Variants in HEATR3 observed in about 807,000 individuals in gnomAD.
HEATR3 encodes the protein HEAT repeat-containing protein 3.
Under a neutral mutation model 72.8 loss-of-function variants are expected in HEATR3, and 56 were observed. The observed-to-expected ratio is 0.77, with a 90% CI of 0.62 to 0.96. The LOEUF is 0.96. Ranked by LOEUF, HEATR3 falls within the 40% of genes least tolerant of loss-of-function variation. The probability of loss-of-function intolerance (pLI) is 0.00; values close to 1 mark genes in which losing one functional copy is unlikely to be tolerated. For synonymous variants in HEATR3, 331 were observed against 318.1 expected (o/e 1.04, Z -0.43); for missense variants, 747 against 831.4 (o/e 0.90, Z 1.25).
chr16:50,078,033 C>T (rs942914855), intron 6 of HEATR3, among the ~76,000 whole-genome samples: 4 of 151,934 alleles, frequency 2.6e-5, no homozygotes, highest in African/African-American at 4.8e-5. Flanking sequence ...CCCACCACCA[C>T]GCCTGGCTGA....
intron 6 of HEATR3, among the ~76,000 whole-genome samples, chr16:50,077,134 A>G (rs549564792): frequency 1.1e-3 from 173 of 152,056 alleles, no homozygotes; most frequent in African/African-American, 3.9e-3. Flanking sequence ...TTGGCCTCCC[A>G]AAGTGCTGGG....
At chr16:50,077,082 G>T (rs1241321769) in intron 6 of HEATR3, among the ~76,000 whole-genome samples, 1 of 151,880 alleles carries the variant, frequency 6.6e-6, no homozygotes, top group Non-Finnish European at 1.5e-5. Context: ...CACTGTGTTA[G>T]CCAGGATGGT....
intron 11 of HEATR3, among the ~76,000 whole-genome samples, chr16:50,091,375 G>A (rs2037106187): frequency 6.6e-6 from 1 of 151,904 alleles, no homozygotes; most frequent in Non-Finnish European, 1.5e-5. Context: ...GCTGAGGCAG[G>A]AGAATCACTT....
intron 7 of HEATR3, among the ~76,000 whole-genome samples, chr16:50,081,047 C>T (rs781290029): frequency 3.9e-5 from 6 of 152,186 alleles, no homozygotes; most frequent in Non-Finnish European, 7.3e-5. Context: ...TGTTGAAAAA[C>T]GATTGATATT....
intron 5 of HEATR3, 52 bp downstream of exon 5, chr16:50,072,766 A>C: frequency 9.0e-7 from 1 of 1,113,704 alleles, no homozygotes; most frequent in Non-Finnish European, 1.4e-6. Context: ...CTTATTCAAA[A>C]ATTTTTATGC....
chr16:50,066,469 G>A lies in HEATR3; in HGVS notation c.241G>A (p.Val81Met), dbSNP rs1448263232. The change falls in exon 2 of 15, where the codon GTG becomes ATG. Residue 81 changes from valine to methionine, a missense_variant. Around this residue, in one of 2 missense-constraint regions of HEATR3, gnomAD observed 161 missense variants for 122.6 expected, o/e 1.31. Coordinates refer to ENST00000299192, the MANE Select transcript of HEATR3 (RefSeq NM_182922.4). ...CCCGGGCCTGGCGCGACGAGACGCCGTGCGCCGCCTCGGGCCGCTGCTGCT... is the reference window on the plus strand; with the variant it reads ...CCCGGGCCTGGCGCGACGAGACGCCATGCGCCGCCTCGGGCCGCTGCTGCT... ...ALPGLARRDA[V>M]RRLGPLLLDP... 2 of 1,355,584 alleles carry A rather than the reference G, an allele frequency of 1.5e-6. No individual in the cohort carries two copies. Among genetic ancestry groups the A allele is most frequent in the Non-Finnish European group, 1.9e-6 (2 of 1,061,458 alleles). 84.0% of individuals were successfully genotyped at this position (1,355,584 alleles called of 1,614,324 possible).
chr16:50,105,115 C>G lies in HEATR3; in HGVS notation c.*54C>G. The G allele has an allele frequency of 1.3e-6, 2 of 1,543,128 alleles. No homozygotes were observed. The highest frequency in any genetic ancestry group is 1.8e-6 in the Non-Finnish European group (2 of 1,130,214). On this transcript the variant is annotated 3_prime_UTR_variant, in exon 15 of 15. Coordinates refer to ENST00000299192, the MANE Select transcript of HEATR3 (RefSeq NM_182922.4). ...CCCAAAGTATTCAATGCTTAGAATACTAAAAGGTTTTCTTTGAATGTATAT... is the reference window on the plus strand; with the variant it reads ...CCCAAAGTATTCAATGCTTAGAATAGTAAAAGGTTTTCTTTGAATGTATAT...
chr16:50,081,470 G>C (rs1384134844), intron 7 of HEATR3, among the ~76,000 whole-genome samples: 1 of 151,946 alleles, frequency 6.6e-6, no homozygotes, highest in Non-Finnish European at 1.5e-5. Flanking sequence ...AATACAAATA[G>C]AAATAAAGTC....
At chr16:50,068,723 G>T in intron 2 of HEATR3, 57 bp from the exon 3 acceptor site, 4 of 1,272,186 alleles carry the variant, frequency 3.1e-6, no homozygotes, top group South Asian at 1.2e-5. Context: ...TGAGAGGGTA[G>T]AAGTGTTCTG....
Position 50,078,824 on chromosome 16 carries a change from GT to G in HEATR3, c.851del (p.Leu284TrpfsTer12). On this transcript the variant is annotated frameshift_variant, in exon 7 of 15. Transcript: ENST00000299192. LOFTEE classifies it high-confidence loss of function. ...INALLKILSE[V>X]LGMDAGEMVI... Reference sequence around the variant, plus strand: ...TGCCTTACTAAAGATCTTATCTGAAGTTTTGGGAATGGATGCTGGTGAAATG... The same window carrying G: ...TGCCTTACTAAAGATCTTATCTGAAGTTTGGGAATGGATGCTGGTGAAATG... 1 of 1,614,102 alleles carries G rather than the reference GT, an allele frequency of 6.2e-7. No homozygotes were observed. Among genetic ancestry groups the G allele is most frequent in the Non-Finnish European group, 8.5e-7 (1 of 1,180,020 alleles).
intron 11 of HEATR3, among the ~76,000 whole-genome samples, chr16:50,093,880 G>A (rs1387740909): frequency 2.0e-5 from 3 of 152,158 alleles, no homozygotes; most frequent in Non-Finnish European, 4.4e-5. Context: ...GACCTAGCCC[G>A]TCACTTTGTA....
At chr16:50,091,325 G>A (rs2037104866) in intron 11 of HEATR3, among the ~76,000 whole-genome samples, 1 of 150,568 alleles carries the variant, frequency 6.6e-6, no homozygotes, top group South Asian at 2.1e-4. Context: ...AAATTAGCCG[G>A]GCGTAATGGT....
At chr16:50,098,535 A>G (rs1432983765) in intron 12 of HEATR3, among the ~76,000 whole-genome samples, 3 of 152,076 alleles carry the variant, frequency 2.0e-5, no homozygotes, top group African/African-American at 7.2e-5. Context: ...GGGTGCCTGT[A>G]GTTCTGGCTA....
intron 7 of HEATR3, among the ~76,000 whole-genome samples, chr16:50,079,483 T>G (rs1258982702): frequency 1.3e-5 from 2 of 152,192 alleles, no homozygotes; most frequent in African/African-American, 4.8e-5. Flanking sequence ...AGAGGTTGGG[T>G]GACTGTGAGA....
In HEATR3 at chr16:50,102,455, A is replaced by G. The variant is rs757952843; in HGVS notation, c.1920+20A>G. 1 of 1,608,592 alleles carries G rather than the reference A, an allele frequency of 6.2e-7. No homozygotes were observed. The highest frequency in any genetic ancestry group is 1.1e-5 in the South Asian group (1 of 90,724). Reference sequence around the variant, plus strand: ...ATGAAGGTTTGTAGCCATTTAACTTATAAATACATAAGTCTGAACATTCTG... The same window carrying G: ...ATGAAGGTTTGTAGCCATTTAACTTGTAAATACATAAGTCTGAACATTCTG... On this transcript the variant is annotated intron_variant, in intron 14 of 14. Transcript: ENST00000299192.
Position 50,066,419 on chromosome 16 carries a change from G to A in HEATR3, c.191G>A (p.Arg64Gln). 1 of 1,511,772 alleles carries A rather than the reference G, an allele frequency of 6.6e-7. No individual in the cohort carries two copies. Among genetic ancestry groups the A allele is most frequent in the Non-Finnish European group, 8.7e-7 (1 of 1,143,364 alleles). 93.6% of individuals were successfully genotyped at this position (1,511,772 alleles called of 1,614,324 possible). A position where few individuals can be genotyped will look rare whatever the true frequency, so the allele number is the denominator to read the frequency against. The change falls in exon 2 of 15, where the codon CGG becomes CAG. Residue 64 changes from arginine to glutamine, a missense_variant. By Grantham distance (43) the Arg-to-Gln change is conservative. This residue lies in a region of HEATR3 where 161 missense variants were observed against 122.6 expected (regional missense o/e 1.31). Transcript: ENST00000299192. The stretch of plus-strand genomic sequence containing the variant: ...GAGTGCGCCTGCGCAGGGCTGGCCC[G>A]GCTGGTGCAGCAGCGGCCGGCACTC... ...VRECACAGLA[R>Q]LVQQRPALPG...
At chr16:50,073,108 C>T (rs142876815) in intron 5 of HEATR3, 146 of 161,792 alleles carry the variant, frequency 9.0e-4, no homozygotes, top group African/African-American at 1.3e-3. Flanking sequence ...CTATCTCATA[C>T]GTCCAGCAGA....
At chr16:50,099,880 C>T (rs780240702) in intron 12 of HEATR3, among the ~76,000 whole-genome samples, 21 of 152,204 alleles carry the variant, frequency 1.4e-4, no homozygotes, top group Non-Finnish European at 2.4e-4. Flanking sequence ...TTTAAAACCA[C>T]ACAATCCTAT....
Position 50,070,201 on chromosome 16 carries a change from TG to T in HEATR3, c.424del (p.Glu142ArgfsTer18). On this transcript the variant is annotated frameshift_variant, in exon 4 of 15. Coordinates refer to ENST00000299192, the MANE Select transcript of HEATR3 (RefSeq NM_182922.4). LOFTEE classifies it high-confidence loss of function. The part of the protein sequence containing the change: ...KECSAGLDSN[E>X]MSLQEKKDQN... ...AGTGTAGTGCTGGACTGGATTCAAA[TG>T]AGATGTCTCTGCAGGAGAAAAAAGA... 1 of 1,593,866 alleles carries T rather than the reference TG, an allele frequency of 6.3e-7. No homozygotes were observed. The highest frequency in any genetic ancestry group is 2.2e-5 in the East Asian group (1 of 44,606).
Sources: allele counts gnomAD v4.1 joint callset (sites outside exome capture counted in the v4.1 genomes callset), GRCh38; gene constraint gnomAD v4.1.1; regional missense constraint gnomAD v4.1.1; transcripts MANE v1.5; gene names NCBI Gene and HGNC (gene_info 2026-07-23, HGNC 2026-07-21).